The following PLA2G12A variants were observed in gnomAD, a reference collection of about 807,000 sequenced individuals.
PLA2G12A encodes group XIIA secretory phospholipase A2.
Under a neutral mutation model 16.0 loss-of-function variants are expected in PLA2G12A, and 11 were observed. That is an observed-to-expected ratio of 0.69 (90% CI 0.43 to 1.13). The LOEUF (loss-of-function observed/expected upper bound fraction) is 1.13, where lower values mean the gene tolerates loss of function less well. PLA2G12A is among the 50% of genes most tolerant of loss of function. The probability of loss-of-function intolerance (pLI) is 0.00; values close to 1 mark genes in which losing one functional copy is unlikely to be tolerated. For missense variants in PLA2G12A, 214 were observed against 237.3 expected (o/e 0.90, Z 0.65); for synonymous variants, 77 against 93.8 (o/e 0.82, Z 1.03).
intron 1 of PLA2G12A, among the ~76,000 whole-genome samples, chr4:109,722,463 A>G (rs942498659): frequency 2.0e-5 from 3 of 152,216 alleles, no homozygotes; most frequent in African/African-American, 7.2e-5. Context: ...TCTCTCATGA[A>G]TGGAATTTGT....
intron 1 of PLA2G12A, among the ~76,000 whole-genome samples, chr4:109,725,616 T>C (rs1722919985): frequency 6.6e-6 from 1 of 152,244 alleles, no homozygotes; most frequent in Non-Finnish European, 1.5e-5. Context: ...ATTCATTAAT[T>C]TCCATTTTTG....
At chr4:109,717,782 T>C in intron 2 of PLA2G12A, 69 bp from the exon 3 acceptor site, 2 of 1,389,836 alleles carry the variant, frequency 1.4e-6, no homozygotes, top group Non-Finnish European at 2.0e-6. Context: ...TGCATTCAAA[T>C]AGACTAAATA....
chr4:109,726,666 A>G (rs928344606), intron 1 of PLA2G12A, among the ~76,000 whole-genome samples: 3 of 152,196 alleles, frequency 2.0e-5, no homozygotes, highest in African/African-American at 7.2e-5. Context: ...AAACATTTAC[A>G]AGCCAGTTTT....
intron 3 of PLA2G12A, among the ~76,000 whole-genome samples, chr4:109,715,266 G>A (rs1326715106): frequency 6.6e-6 from 1 of 152,124 alleles, no homozygotes; most frequent in East Asian, 1.9e-4. Context: ...ATGTGCGGAA[G>A]AAACAAAGTT....
chr4:109,723,397 G>A (rs1293045501), intron 1 of PLA2G12A, among the ~76,000 whole-genome samples: 6 of 152,160 alleles, frequency 3.9e-5, no homozygotes, highest in African/African-American at 1.4e-4. Context: ...TATTCACCCA[G>A]TGTTGCCTGT....
At position 109,723,314 on chromosome 4, in the gene PLA2G12A, T is replaced by C. The variant is rs118168387; in HGVS notation, c.209-4555A>G. Reference sequence around the variant, plus strand: ...TTTAATTTTGAGTCTAAATATAAGATTGTATATAAGATTCAATCTTGTTAG... The same window carrying C: ...TTTAATTTTGAGTCTAAATATAAGACTGTATATAAGATTCAATCTTGTTAG... On this transcript the variant is annotated intron_variant, in intron 1 of 3. Coordinates refer to ENST00000243501, the MANE Select transcript of PLA2G12A (RefSeq NM_030821.5). 8.9e-3 allele frequency among the ~76,000 whole-genome samples: 1,350 copies of C among 152,262 alleles called. 52 individuals carry two copies. Among genetic ancestry groups the C allele is most frequent in the East Asian group, 0.084 (435 of 5,182 alleles).
In PLA2G12A at chr4:109,719,837, G is replaced by A. The variant is rs149281688; in HGVS notation, c.209-1078C>T. ...GATACTAAGTGAGCACATGCTGTGG[G>A]AAATATGGCACCGATAGACTTGCTC... On this transcript the variant is annotated intron_variant, in intron 1 of 3. Coordinates refer to ENST00000243501, the MANE Select transcript of PLA2G12A (RefSeq NM_030821.5). Among the ~76,000 whole-genome samples the A allele has an allele frequency of 1.4e-4, 21 of 152,230 alleles. No individual in the cohort carries two copies. The East Asian group carries it at 4.1e-3, about 29-fold the overall frequency.
intron 1 of PLA2G12A, among the ~76,000 whole-genome samples, chr4:109,726,654 A>G (rs948354907): frequency 6.6e-6 from 1 of 152,230 alleles, no homozygotes; most frequent in African/African-American, 2.4e-5. Context: ...TCATCATTCT[A>G]AAAACATTTA....
In PLA2G12A at chr4:109,713,465, C is replaced by T. The variant is rs895336359; in HGVS notation, c.*912G>A. 2 of 152,172 alleles carry T rather than the reference C, an allele frequency of 1.3e-5. No individual in the cohort carries two copies. Among genetic ancestry groups the T allele is most frequent in the African/African-American group, 4.8e-5 (2 of 41,440 alleles). 9.4% of individuals were successfully genotyped at this position (152,172 alleles called of 1,614,324 possible). On this transcript the variant is annotated 3_prime_UTR_variant, in exon 4 of 4. Transcript: ENST00000243501. ...TAAGACCACAGTTAGTAAAAGGTTA[C>T]AGTCTTTAAAAAATCTACAATAAGG...
At position 109,711,659 on chromosome 4, in the gene PLA2G12A, C is replaced by G. The variant is rs1730732430; in HGVS notation, c.*2718G>C. The G allele has an allele frequency of 6.6e-6, 1 of 152,152 alleles. No homozygotes were observed. The highest frequency in any genetic ancestry group is 1.5e-5 in the Non-Finnish European group (1 of 68,036). The allele number at this position is 152,152 out of a possible 1,614,324, so 9.4% of individuals were successfully genotyped here. ...TTTCCATATAGAAAAATTCCAAATA[C>G]TACATATGGATATTCCCACTTCCAG... On this transcript the variant is annotated 3_prime_UTR_variant, in exon 4 of 4. Transcript: ENST00000243501.
chr4:109,714,223 TGC>T lies in PLA2G12A; in HGVS notation c.*152_*153del. 2.9e-5 allele frequency: 19 copies of T among 664,724 alleles called. No homozygotes were observed. Among genetic ancestry groups the T allele is most frequent in the South Asian group, 1.5e-4 (8 of 54,892 alleles). 41.2% of individuals were successfully genotyped at this position (664,724 alleles called of 1,614,324 possible). On this transcript the variant is annotated 3_prime_UTR_variant, in exon 4 of 4. Transcript: ENST00000243501. ...CCCTCACTATCTCCCTCACTTTTTT[TGC>T]TTTGAGGTTTTAACATCAAGATATA...
rs931112186 is a variant in PLA2G12A at position 109,713,019 on chromosome 4, C to T, written c.*1358G>A. The T allele has an allele frequency of 3.9e-5, 6 of 152,134 alleles. No individual in the cohort carries two copies. Among genetic ancestry groups the T allele is most frequent in the Non-Finnish European group, 7.3e-5 (5 of 68,028 alleles). 9.4% of individuals were successfully genotyped at this position (152,134 alleles called of 1,614,324 possible). ...ATATCTCCAAAGTTAGGAACATGGC[C>T]CTTTCTCCAGAACATACTTTTCCTT... is the stretch of plus-strand genomic sequence containing the variant. On this transcript the variant is annotated 3_prime_UTR_variant, in exon 4 of 4. Coordinates refer to ENST00000243501, the MANE Select transcript of PLA2G12A (RefSeq NM_030821.5).
intron 1 of PLA2G12A, among the ~76,000 whole-genome samples, chr4:109,725,432 TA>T (rs904660479): frequency 2.0e-5 from 3 of 152,212 alleles, no homozygotes; most frequent in Non-Finnish European, 4.4e-5. Flanking sequence ...CTAAGCATTT[TA>T]AAAATTAGCA....
At chr4:109,727,117 T>G (rs981182142) in intron 1 of PLA2G12A, among the ~76,000 whole-genome samples, 10 of 151,646 alleles carry the variant, frequency 6.6e-5, no homozygotes, top group Non-Finnish European at 1.2e-4. Flanking sequence ...TTATTATTAT[T>G]ATTATTATTA....
chr4:109,716,903 G>A (rs1730837005), intron 3 of PLA2G12A, among the ~76,000 whole-genome samples: 1 of 152,166 alleles, frequency 6.6e-6, no homozygotes, highest in Non-Finnish European at 1.5e-5. Context: ...TGTCTTTCCA[G>A]AATTTATGTT....
rs1250595349 is a variant in PLA2G12A, at chr4:109,713,355, T to C, written c.*1022A>G. 6.6e-6 allele frequency: 1 copy of C among 152,216 alleles called. No homozygotes were observed. The allele number at this position is 152,216 out of a possible 1,614,324, so 9.4% of individuals were successfully genotyped here. ...ATTTTCAATGTAAATAAGAGATCTATAAAAGGCATTTATATCTTGCCTTTT... is the reference window on the plus strand; with the variant it reads ...ATTTTCAATGTAAATAAGAGATCTACAAAAGGCATTTATATCTTGCCTTTT... On this transcript the variant is annotated 3_prime_UTR_variant, in exon 4 of 4. Coordinates refer to ENST00000243501, the MANE Select transcript of PLA2G12A (RefSeq NM_030821.5).
chr4:109,724,989 T>C (rs1377500084), intron 1 of PLA2G12A, among the ~76,000 whole-genome samples: 1 of 152,220 alleles, frequency 6.6e-6, no homozygotes, highest in African/African-American at 2.4e-5. Context: ...AAACTCCTAA[T>C]GTCATTTCTT....
intron 1 of PLA2G12A, among the ~76,000 whole-genome samples, chr4:109,719,058 G>C (rs1730875459): frequency 6.6e-6 from 1 of 152,028 alleles, no homozygotes; most frequent in Non-Finnish European, 1.5e-5. Context: ...AGCTTATCCT[G>C]GACTTCTGGA....
chr4:109,728,017 T>TG (rs1722974406), intron 1 of PLA2G12A, among the ~76,000 whole-genome samples: 1 of 152,242 alleles, frequency 6.6e-6, no homozygotes, highest in Admixed American at 6.5e-5. Context: ...CATCCTTGAC[T>TG]GGCCTTTCTC....
Sources: allele counts gnomAD v4.1 joint callset (sites outside exome capture counted in the v4.1 genomes callset), GRCh38; gene constraint gnomAD v4.1.1; transcripts MANE v1.5; gene names NCBI Gene and HGNC (gene_info 2026-07-23, HGNC 2026-07-21).